Variants in SCFD1 observed in about 807,000 individuals in gnomAD.
SCFD1 encodes sec1 family domain-containing protein 1.
In SCFD1, 37 loss-of-function variants were observed where a neutral mutation model predicts 103.2. That is an observed-to-expected ratio of 0.36 (90% confidence interval 0.28 to 0.47). SCFD1 has a LOEUF of 0.47. Ranked by LOEUF, SCFD1 falls within the 20% of genes least tolerant of loss-of-function variation. SCFD1 has a pLI of 1.00. For synonymous variants in SCFD1, 264 were observed against 245.0 expected (o/e 1.08, Z -0.73); for missense variants, 639 against 761.2 (o/e 0.84, Z 1.89).
intron 24 of SCFD1, 136 bp from the exon 25 acceptor site, chr14:30,735,450 A>G (rs1458041005): frequency 1.5e-6 from 1 of 677,520 alleles, no homozygotes; most frequent in African/African-American, 1.9e-5. Context: ...AGTGGTGAAC[A>G]TTAAGATTTA....
chr14:30,731,848 T>C (rs1156927839), intron 23 of SCFD1, among the ~76,000 whole-genome samples: 3 of 152,212 alleles, frequency 2.0e-5, no homozygotes, highest in South Asian at 4.1e-4. Context: ...CCTGTATTTC[T>C]TTCTCCTGCC....
chr14:30,663,698 C>T (rs1887651971), intron 10 of SCFD1, among the ~76,000 whole-genome samples: 1 of 152,156 alleles, frequency 6.6e-6, no homozygotes, highest in African/African-American at 2.4e-5. Flanking sequence ...AATCTAATTC[C>T]ACTCACTCTG....
At chr14:30,663,377 G>GT (rs1887619229) in intron 10 of SCFD1, among the ~76,000 whole-genome samples, 2 of 152,202 alleles carry the variant, frequency 1.3e-5, no homozygotes, top group South Asian at 4.2e-4. Context: ...TAAATCTAAG[G>GT]TTCTTTCCAG....
chr14:30,660,559 C>A (rs1362716248), intron 10 of SCFD1, among the ~76,000 whole-genome samples: 3 of 152,058 alleles, frequency 2.0e-5, no homozygotes, highest in Admixed American at 2.0e-4. Context: ...TTACTGATGG[C>A]AAATGGTGAT....
At chr14:30,715,132 C>T (rs1892183146) in intron 19 of SCFD1, among the ~76,000 whole-genome samples, 1 of 152,122 alleles carries the variant, frequency 6.6e-6, no homozygotes, top group Non-Finnish European at 1.5e-5. Context: ...GTTTGTGTAT[C>T]CATATACCCA....
chr14:30,704,608 G>A (rs927569637), intron 17 of SCFD1, among the ~76,000 whole-genome samples: 2 of 151,970 alleles, frequency 1.3e-5, no homozygotes, highest in Non-Finnish European at 2.9e-5. Context: ...TTTTTGTTTG[G>A]GATTTCTCTA....
intron 9 of SCFD1, among the ~76,000 whole-genome samples, chr14:30,651,446 T>G (rs1246917986): frequency 4.6e-5 from 7 of 152,152 alleles, no homozygotes; most frequent in Non-Finnish European, 7.4e-5. Context: ...TTTCAATTGT[T>G]TGGTTAACTG....
chr14:30,716,226 T>C (rs1016665659), intron 20 of SCFD1, among the ~76,000 whole-genome samples: 3 of 152,216 alleles, frequency 2.0e-5, no homozygotes, highest in Non-Finnish European at 4.4e-5. Context: ...ATATCCTATA[T>C]GTATAATTAA....
Position 30,661,813 on chromosome 14 carries a change from T to A in SCFD1, c.855+8225T>A, listed in dbSNP as rs557206437. On this transcript the variant is annotated intron_variant, in intron 10 of 24. Transcript: ENST00000458591. ...CATTTTCTCTTGTGGAAATTAGTTT[T>A]AGGGATGAGCTTTGAAAAATAAATT... is the stretch of plus-strand genomic sequence containing the variant. 1.1e-4 allele frequency among the ~76,000 whole-genome samples: 17 copies of A among 152,314 alleles called. No individual in the cohort carries two copies. In the East Asian group the frequency reaches 1.9e-3, roughly 17 times the overall value.
intron 6 of SCFD1, 136 bp downstream of exon 6, chr14:30,640,000 C>A: frequency 9.8e-7 from 1 of 1,025,452 alleles, no homozygotes; most frequent in Non-Finnish European, 1.3e-6. Context: ...TTTTTAAAAG[C>A]ACACAGAGAA....
chr14:30,672,232 T>A (rs1048826753), intron 11 of SCFD1, among the ~76,000 whole-genome samples: 1 of 151,998 alleles, frequency 6.6e-6, no homozygotes, highest in Non-Finnish European at 1.5e-5. Flanking sequence ...CCATTATAAT[T>A]AGATGGAACA....
intron 21 of SCFD1, among the ~76,000 whole-genome samples, chr14:30,719,877 T>C (rs1892534660): frequency 6.7e-6 from 1 of 149,760 alleles, no homozygotes; most frequent in Non-Finnish European, 1.5e-5. Flanking sequence ...GATATCCTTA[T>C]GGATATTATT....
chr14:30,724,322 G>A (rs1037759709), intron 23 of SCFD1, among the ~76,000 whole-genome samples: 2 of 137,438 alleles, frequency 1.5e-5, no homozygotes, highest in African/African-American at 5.6e-5. Flanking sequence ...GTGCCATCTC[G>A]GCTCACAGCG....
intron 14 of SCFD1, chr14:30,683,013 AGAC>A: frequency 8.5e-7 from 1 of 1,170,950 alleles, no homozygotes; most frequent in Non-Finnish European, 1.2e-6. Context: ...AAAGTTAAAA[AGAC>A]GACACAAGGA....
chr14:30,690,954 CTG>C (rs1890254574), intron 14 of SCFD1, among the ~76,000 whole-genome samples: 1 of 152,220 alleles, frequency 6.6e-6, no homozygotes, highest in Non-Finnish European at 1.5e-5. Flanking sequence ...ATTACCCAAA[CTG>C]TATTCTCTTT....
At chr14:30,708,602 A>C (rs1454759331) in intron 19 of SCFD1, among the ~76,000 whole-genome samples, 1 of 152,210 alleles carries the variant, frequency 6.6e-6, no homozygotes, top group East Asian at 1.9e-4. Flanking sequence ...GGTTGTTGAA[A>C]GTACGTTAAT....
At chr14:30,714,166 T>G in intron 19 of SCFD1, among the ~76,000 whole-genome samples, 2 of 146,156 alleles carry the variant, frequency 1.4e-5, no homozygotes, top group African/African-American at 5.2e-5. Flanking sequence ...GCTAACAAGG[T>G]GAAACCCCGT....
intron 23 of SCFD1, among the ~76,000 whole-genome samples, chr14:30,724,069 T>G (rs1238149788): frequency 1.1e-5 from 1 of 92,308 alleles, no homozygotes; most frequent in Non-Finnish European, 2.0e-5. Flanking sequence ...CTCACCAGTA[T>G]CTTAAAAAAA....
At chr14:30,698,642 C>G (rs1890862309) in intron 15 of SCFD1, among the ~76,000 whole-genome samples, 1 of 152,100 alleles carries the variant, frequency 6.6e-6, no homozygotes, top group Admixed American at 6.5e-5. Flanking sequence ...CTCTTTTGCC[C>G]TTTGTCCTCT....
Sources: allele counts gnomAD v4.1 joint callset (sites outside exome capture counted in the v4.1 genomes callset), GRCh38; gene constraint gnomAD v4.1.1; transcripts MANE v1.5; gene names NCBI Gene and HGNC (gene_info 2026-07-23, HGNC 2026-07-21).